Variants in LTBP1 observed in about 807,000 individuals in gnomAD.
LTBP1 encodes latent transforming growth factor beta binding protein 1.
In LTBP1, 129 loss-of-function variants were observed where a neutral mutation model predicts 207.6. The observed-to-expected ratio is 0.62, with a 90% CI of 0.54 to 0.72. LTBP1 has a LOEUF of 0.72. Among genes scored for constraint, LTBP1 ranks in the 30% least tolerant of loss-of-function variants. The pLI, the probability that LTBP1 is intolerant of heterozygous loss-of-function variation, is 0.00. For missense variants in LTBP1, 2,281 were observed against 2,217.2 expected, an observed-to-expected ratio of 1.03 and a Z score of -0.58; for synonymous variants, 963 against 833.7, an observed-to-expected ratio of 1.16 and a Z score of -2.67.
At chr2:33,031,584 A>G (rs183990269) in intron 3 of LTBP1, among the ~76,000 whole-genome samples, 24 of 152,228 alleles carry the variant, frequency 1.6e-4, no homozygotes, top group African/African-American at 5.5e-4. Context: ...AGGAAGGGGG[A>G]GATTGGCAGG....
chr2:32,971,845 A>G (rs928187684), intron 2 of LTBP1, among the ~76,000 whole-genome samples: 3 of 151,984 alleles, frequency 2.0e-5, no homozygotes, highest in African/African-American at 7.2e-5. Flanking sequence ...GTTCCTTCTC[A>G]ATTTTTTGGA....
chr2:33,055,901 A>G (rs1242191315), intron 3 of LTBP1, among the ~76,000 whole-genome samples: 1 of 151,658 alleles, frequency 6.6e-6, no homozygotes, highest in Non-Finnish European at 1.5e-5. Flanking sequence ...TGGGCAGGGG[A>G]GATGAGAGGA....
intron 22 of LTBP1, among the ~76,000 whole-genome samples, chr2:33,306,210 T>G (rs1181459118): frequency 1.3e-5 from 2 of 152,218 alleles, no homozygotes; most frequent in African/African-American, 4.8e-5. Flanking sequence ...AATAATGCTC[T>G]TTTCCCTCAC....
At chr2:33,248,701 C>G (rs1010531640) in intron 10 of LTBP1, among the ~76,000 whole-genome samples, 2 of 151,894 alleles carry the variant, frequency 1.3e-5, no homozygotes, top group African/African-American at 4.8e-5. Flanking sequence ...ATTCTTCTGC[C>G]TCAGCCTCCT....
At chr2:33,231,917 C>G (rs1312167006) in intron 9 of LTBP1, among the ~76,000 whole-genome samples, 1 of 152,000 alleles carries the variant, frequency 6.6e-6, no homozygotes, top group Non-Finnish European at 1.5e-5. Context: ...TGTTAAAGAA[C>G]AGTAAGACAG....
At chr2:33,060,548 G>C (rs144152986) in intron 3 of LTBP1, among the ~76,000 whole-genome samples, 10 of 151,074 alleles carry the variant, frequency 6.6e-5, no homozygotes, top group African/African-American at 2.4e-4. Flanking sequence ...GTGTGTGTTT[G>C]GGGGGGATGT....
chr2:33,326,934 C>T (rs1011507567), intron 24 of LTBP1, among the ~76,000 whole-genome samples: 2 of 152,094 alleles, frequency 1.3e-5, no homozygotes, highest in Admixed American at 6.5e-5. Flanking sequence ...CAGACATGAG[C>T]CATTGCACCT....
At chr2:33,111,445 GCTTCCTGCCCTGTCACA>G (rs2080395904) in intron 4 of LTBP1, among the ~76,000 whole-genome samples, 2 of 152,196 alleles carry the variant, frequency 1.3e-5, no homozygotes, top group African/African-American at 4.8e-5. Flanking sequence ...CGTTCCAGCA[GCTTCCTGCCCTGTCACA>G]TGTTGACTGA....
intron 5 of LTBP1, among the ~76,000 whole-genome samples, chr2:33,180,618 A>T (rs1435916056): frequency 1.3e-5 from 2 of 151,948 alleles, no homozygotes; most frequent in East Asian, 3.9e-4. Context: ...TGTCTGGCTA[A>T]TTTTTGGGAT....
chr2:33,088,447 A>G (rs531161396), intron 3 of LTBP1, among the ~76,000 whole-genome samples: 198 of 152,140 alleles, frequency 1.3e-3, no homozygotes, highest in African/African-American at 4.0e-3. Context: ...GCGAGACTCC[A>G]TCTCAAAAAA....
At chr2:33,008,684 A>G (rs1383142556) in intron 2 of LTBP1, among the ~76,000 whole-genome samples, 1 of 152,252 alleles carries the variant, frequency 6.6e-6, no homozygotes, top group Non-Finnish European at 1.5e-5. Flanking sequence ...TGGAGCTTAT[A>G]CTTTACTGGA....
intron 2 of LTBP1, among the ~76,000 whole-genome samples, chr2:32,972,786 G>C (rs1681110931): frequency 6.6e-6 from 1 of 152,124 alleles, no homozygotes; most frequent in Admixed American, 6.5e-5. Flanking sequence ...TGCCATGTAA[G>C]ATGTGCCTTG....
chr2:33,377,796 T>C (rs537448755), intron 31 of LTBP1, among the ~76,000 whole-genome samples: 27 of 152,272 alleles, frequency 1.8e-4, no homozygotes, highest in South Asian at 4.1e-4. Flanking sequence ...AGGAGACTTA[T>C]AATTGTGGCA....
chr2:33,370,689 A>G (rs2095057466), intron 31 of LTBP1, among the ~76,000 whole-genome samples: 1 of 152,204 alleles, frequency 6.6e-6, no homozygotes, highest in Non-Finnish European at 1.5e-5. Flanking sequence ...GGATATCTTA[A>G]TCGTTGAGAA....
intron 24 of LTBP1, among the ~76,000 whole-genome samples, chr2:33,327,571 A>T (rs556106519): frequency 2.6e-4 from 40 of 152,296 alleles, no homozygotes; most frequent in African/African-American, 6.3e-4. Context: ...TTCCTATTTT[A>T]AAAAAAGTAG....
intron 3 of LTBP1, among the ~76,000 whole-genome samples, chr2:33,073,712 C>T (rs1455566037): frequency 2.0e-5 from 3 of 151,982 alleles, no homozygotes; most frequent in South Asian, 2.1e-4. Context: ...CTGTAACCTC[C>T]GCCTCCCAGG....
At chr2:33,364,800 G>T (rs2094964860) in intron 30 of LTBP1, among the ~76,000 whole-genome samples, 1 of 152,202 alleles carries the variant, frequency 6.6e-6, no homozygotes, top group Non-Finnish European at 1.5e-5. Flanking sequence ...TGATGCTACT[G>T]ATAATTGGCA....
chr2:33,114,244 A>T (rs888501975), intron 4 of LTBP1, among the ~76,000 whole-genome samples: 1 of 152,224 alleles, frequency 6.6e-6, no homozygotes, highest in Non-Finnish European at 1.5e-5. Context: ...TAGAGTAGGG[A>T]TTGGCAAACT....
At chr2:33,398,315 A>T in intron 33 of LTBP1, 49 bp from the exon 34 acceptor site, 2 of 1,567,772 alleles carry the variant, frequency 1.3e-6, no homozygotes, top group Non-Finnish European at 1.7e-6. Context: ...ATGTGTCCTC[A>T]CAGAATAATA....
Sources: allele counts gnomAD v4.1 joint callset (sites outside exome capture counted in the v4.1 genomes callset), GRCh38; gene constraint gnomAD v4.1.1; transcripts MANE v1.5; gene names NCBI Gene and HGNC (gene_info 2026-07-23, HGNC 2026-07-21).